PTGER3: variants seen among roughly 807,000 people sequenced by gnomAD.
PTGER3 encodes prostaglandin E receptor 3.
In PTGER3, 22 loss-of-function variants were observed where a neutral mutation model predicts 34.7. That is an observed-to-expected ratio of 0.63 (90% confidence interval 0.45 to 0.91). PTGER3 has a LOEUF of 0.91. PTGER3 is among the 40% of genes least tolerant of loss of function. The probability of loss-of-function intolerance (pLI) is 0.00; values close to 1 mark genes in which losing one functional copy is unlikely to be tolerated. For synonymous variants in PTGER3, 241 were observed against 230.1 expected, an observed-to-expected ratio of 1.05 and a Z score of -0.43; for missense variants, 468 against 519.4, an observed-to-expected ratio of 0.90 and a Z score of 0.96.
At position 70,958,867 on chromosome 1, in the gene PTGER3, G is replaced by C. The variant is rs938025317; in HGVS notation, c.1078-5078C>G. On this transcript the variant is annotated intron_variant, in intron 2 of 3. Transcript: ENST00000356595. ...TTGATTTTTGTATACTGTGAGAGAT[G>C]GGGGTCTAGTTTCATGCTTCTGCAT... Among the ~76,000 whole-genome samples the C allele has an allele frequency of 3.9e-5, 6 of 152,082 alleles. No homozygotes were observed. The East Asian group carries it at 5.8e-4, about 15-fold the overall frequency.
chr1:70,976,431 T>A (rs750381596), intron 2 of PTGER3, among the ~76,000 whole-genome samples: 4 of 152,102 alleles, frequency 2.6e-5, no homozygotes, highest in Admixed American at 6.6e-5. Flanking sequence ...AGGCTATGCA[T>A]ATGTGGGGCC....
At chr1:70,869,571 AT>A (rs201231134) in intron 4 of PTGER3, among the ~76,000 whole-genome samples, 1,557 of 152,292 alleles carry the variant, frequency 0.01, 23 homozygotes, top group African/African-American at 0.036. Context: ...TAAAGTCAAA[AT>A]AATTTATTTA....
At chr1:70,859,907 G>C (rs1315639903) in intron 4 of PTGER3, among the ~76,000 whole-genome samples, 3 of 152,110 alleles carry the variant, frequency 2.0e-5, no homozygotes, top group Non-Finnish European at 4.4e-5. Context: ...CTTACTATTT[G>C]GTTATGTGTT....
At chr1:70,930,845 C>A (rs912732593) in intron 4 of PTGER3, among the ~76,000 whole-genome samples, 2 of 152,104 alleles carry the variant, frequency 1.3e-5, no homozygotes, top group Admixed American at 6.5e-5. Flanking sequence ...CAAACCATAT[C>A]ATTCCTCCCC....
At chr1:70,962,178 C>G (rs1307767263) in intron 2 of PTGER3, among the ~76,000 whole-genome samples, 1 of 152,210 alleles carries the variant, frequency 6.6e-6, no homozygotes, top group Non-Finnish European at 1.5e-5. Flanking sequence ...ATCCAACTTA[C>G]AAGCCTAAGC....
chr1:70,889,532 G>A (rs1572561467), intron 4 of PTGER3, among the ~76,000 whole-genome samples: 2 of 151,620 alleles, frequency 1.3e-5, no homozygotes, highest in East Asian at 3.9e-4. Flanking sequence ...AGTATAAAAT[G>A]CAAAGGCAAC....
intron 4 of PTGER3, among the ~76,000 whole-genome samples, chr1:70,887,310 G>GTA (rs1185779373): frequency 1.3e-5 from 2 of 152,116 alleles, no homozygotes; most frequent in African/African-American, 4.8e-5. Flanking sequence ...GCATGACTTG[G>GTA]TATAGTCTGT....
chr1:70,866,398 C>A (rs145753382), intron 4 of PTGER3, among the ~76,000 whole-genome samples: 1 of 152,270 alleles, frequency 6.6e-6, no homozygotes, highest in East Asian at 1.9e-4. Context: ...TTTCAGAGGC[C>A]AATTACATCT....
chr1:70,930,665 A>G (rs1233630909), intron 4 of PTGER3, among the ~76,000 whole-genome samples: 1 of 152,162 alleles, frequency 6.6e-6, no homozygotes, highest in Non-Finnish European at 1.5e-5. Context: ...GGAAGGTACA[A>G]AAGCAGAAAC....
At chr1:70,930,855 C>T (rs1557663885) in intron 4 of PTGER3, among the ~76,000 whole-genome samples, 1 of 152,134 alleles carries the variant, frequency 6.6e-6, no homozygotes, top group African/African-American at 2.4e-5. Context: ...CATTCCTCCC[C>T]TGGCCCCTCC....
At chr1:70,877,726 T>C (rs1313237290) in intron 4 of PTGER3, among the ~76,000 whole-genome samples, 1 of 152,198 alleles carries the variant, frequency 6.6e-6, no homozygotes, top group African/African-American at 2.4e-5. Context: ...TTTTTGGTTT[T>C]AGCTCTGTTT....
chr1:70,917,403 T>TTGTGTGTGTGTGTG (rs59163586), intron 4 of PTGER3, among the ~76,000 whole-genome samples: 5,918 of 136,186 alleles, frequency 0.043, 189 homozygotes, highest in South Asian at 0.06. Context: ...GTATTTTATT[T>TTGTGTGTGTGTGTG]TGTGTGTGTG....
chr1:70,951,902 A>G (rs1304209689), downstream of PTGER3, among the ~76,000 whole-genome samples: 1 of 152,218 alleles, frequency 6.6e-6, no homozygotes, highest in Non-Finnish European at 1.5e-5. Flanking sequence ...TAAATAATAG[A>G]GAAACCTACT....
At chr1:70,921,057 C>T (rs1026381000) in intron 4 of PTGER3, among the ~76,000 whole-genome samples, 1 of 152,112 alleles carries the variant, frequency 6.6e-6, no homozygotes, top group Admixed American at 6.6e-5. Flanking sequence ...TCATCATTTA[C>T]ATTATAAATA....
chr1:71,005,043 T>C (rs763990304), intron 2 of PTGER3, among the ~76,000 whole-genome samples: 5 of 152,218 alleles, frequency 3.3e-5, no homozygotes, highest in Admixed American at 6.5e-5. Context: ...ATGTCCCCCA[T>C]AGTACATTTG....
downstream of PTGER3, among the ~76,000 whole-genome samples, chr1:70,970,527 C>G (rs1652964490): frequency 6.6e-6 from 1 of 152,110 alleles, no homozygotes; most frequent in African/African-American, 2.4e-5. Flanking sequence ...GATATGTAGT[C>G]ACAGCATATG....
intron 2 of PTGER3, chr1:71,005,942 A>G (rs1656919673): frequency 1.6e-6 from 1 of 618,952 alleles, no homozygotes; most frequent in South Asian, 7.1e-5. Context: ...GTTTCGATAC[A>G]TATAATGTAT....
intron 4 of PTGER3, among the ~76,000 whole-genome samples, chr1:70,894,280 G>C (rs968850271): frequency 1.7e-5 from 2 of 120,550 alleles, no homozygotes; most frequent in African/African-American, 6.2e-5. Context: ...TTGCACTCCA[G>C]TCTGGGAAAC....
intron 3 of PTGER3, 40 bp from the exon 4 acceptor site, chr1:70,971,773 G>A (rs765621120): frequency 7.1e-7 from 1 of 1,399,984 alleles, no homozygotes; most frequent in South Asian, 1.4e-5. Context: ...AAGCATGGAT[G>A]GGGATTATTT....
Sources: gnomAD v4.1 joint callset for allele counts (sites outside exome capture counted in the v4.1 genomes callset) on GRCh38, gnomAD v4.1.1 for gene constraint, MANE v1.5 for transcripts, NCBI Gene and HGNC (gene_info 2026-07-23, HGNC 2026-07-21) for gene names.